The following AKAP7 variants were observed in gnomAD, a reference collection of about 807,000 sequenced individuals.
AKAP7 encodes A-kinase anchoring protein 7.
Under a neutral mutation model 39.5 loss-of-function variants are expected in AKAP7, and 39 were observed. The observed-to-expected ratio is 0.99, with a 90% CI of 0.76 to 1.29. The LOEUF (loss-of-function observed/expected upper bound fraction) is 1.29. Among genes scored for constraint, AKAP7 ranks in the 50% most tolerant of loss-of-function variants. AKAP7 has a pLI of 0.00. For synonymous variants in AKAP7, 140 were observed against 139.1 expected, an observed-to-expected ratio of 1.01 and a Z score of -0.05; for missense variants, 414 against 407.7, an observed-to-expected ratio of 1.02 and a Z score of -0.13.
intron 7 of AKAP7, among the ~76,000 whole-genome samples, chr6:131,228,447 G>C (rs1810369941): frequency 1.3e-5 from 2 of 152,124 alleles, no homozygotes; most frequent in Non-Finnish European, 2.9e-5. Context: ...GTGCCTCATT[G>C]TGCTTATCTT....
chr6:131,136,855 T>G, intron 1 of AKAP7: 1 of 985,394 alleles, frequency 1.0e-6, no homozygotes, highest in Non-Finnish European at 1.2e-6. Context: ...AAGATGCTAA[T>G]ACTATTTTTA....
At chr6:131,185,164 C>A in intron 5 of AKAP7, 1 of 533,858 alleles carries the variant, frequency 1.9e-6, no homozygotes. Context: ...GAGATCAGCC[C>A]CTCCTTCTTC....
intron 7 of AKAP7, among the ~76,000 whole-genome samples, chr6:131,225,594 A>G (rs1218531084): frequency 6.6e-6 from 1 of 152,198 alleles, no homozygotes; most frequent in African/African-American, 2.4e-5. Flanking sequence ...GATTTATTTC[A>G]TGACCATTAT....
In AKAP7 at chr6:131,135,699, C is replaced by T; in HGVS notation, c.-65C>T. 8.6e-6 allele frequency: 10 copies of T among 1,165,854 alleles called. No homozygotes were observed. The highest frequency in any genetic ancestry group is 1.1e-5 in the Non-Finnish European group (10 of 948,000). 72.2% of individuals were successfully genotyped at this position (1,165,854 alleles called of 1,614,324 possible). A position where few individuals can be genotyped will look rare whatever the true frequency, so the allele number is the denominator to read the frequency against. On this transcript the variant is annotated 5_prime_UTR_variant, in exon 1 of 8. Coordinates refer to ENST00000431975, the MANE Select transcript of AKAP7 (RefSeq NM_016377.4). Reference sequence around the variant, plus strand: ...CTCCGCCTCGGCCTCGCCTCCAGCCCCGGGACGCGGCCCGCCACCGCCGCT... The same window carrying T: ...CTCCGCCTCGGCCTCGCCTCCAGCCTCGGGACGCGGCCCGCCACCGCCGCT...
chr6:131,174,536 T>C (rs1038452522), intron 5 of AKAP7, among the ~76,000 whole-genome samples: 19 of 152,224 alleles, frequency 1.2e-4, no homozygotes, highest in African/African-American at 4.1e-4. Flanking sequence ...GAGGTTACAG[T>C]GAGCCATGAT....
chr6:131,227,797 T>C (rs1810306201), intron 7 of AKAP7, among the ~76,000 whole-genome samples: 1 of 152,172 alleles, frequency 6.6e-6, no homozygotes, highest in Admixed American at 6.5e-5. Flanking sequence ...CTAAGGATAA[T>C]TCTGAGTGAG....
chr6:131,137,444 A>ACTG (rs1482451701), intron 1 of AKAP7: 3 of 151,380 alleles, frequency 2.0e-5, no homozygotes, highest in Non-Finnish European at 4.4e-5. Context: ...GTGCAGTGGC[A>ACTG]CAATCTCGGC....
intron 3 of AKAP7, among the ~76,000 whole-genome samples, chr6:131,161,294 A>T (rs990159700): frequency 6.6e-6 from 1 of 152,100 alleles, no homozygotes; most frequent in African/African-American, 2.4e-5. Flanking sequence ...CTGAAGAATC[A>T]TATTCTGATT....
At chr6:131,210,555 C>T (rs1808550997) in intron 6 of AKAP7, among the ~76,000 whole-genome samples, 1 of 152,212 alleles carries the variant, frequency 6.6e-6, no homozygotes, top group Admixed American at 6.5e-5. Flanking sequence ...CCTTTCAGTG[C>T]AACTGTATCT....
chr6:131,282,252 A>G lies in AKAP7; in HGVS notation c.*526A>G. The G allele has an allele frequency of 7.4e-7, 1 of 1,356,502 alleles. No individual in the cohort carries two copies. The highest frequency in any genetic ancestry group is 9.4e-7 in the Non-Finnish European group (1 of 1,060,478). 84.0% of individuals were successfully genotyped at this position (1,356,502 alleles called of 1,614,324 possible). A position where few individuals can be genotyped will look rare whatever the true frequency, so the allele number is the denominator to read the frequency against. On this transcript the variant is annotated 3_prime_UTR_variant, in exon 8 of 8. Transcript: ENST00000431975. The stretch of plus-strand genomic sequence containing the variant: ...GTGTGATCTTTATTTATAGTAAATT[A>G]TGTTTCATGTAAATGATATATTTTT...
At chr6:131,280,592 C>G (rs180937842) in intron 7 of AKAP7, among the ~76,000 whole-genome samples, 1 of 152,208 alleles carries the variant, frequency 6.6e-6, no homozygotes, top group Non-Finnish European at 1.5e-5. Context: ...CTGAGCTGAT[C>G]TTAATGTGCG....
intron 7 of AKAP7, among the ~76,000 whole-genome samples, chr6:131,241,036 G>A (rs1407916909): frequency 2.0e-5 from 3 of 152,178 alleles, no homozygotes; most frequent in South Asian, 4.1e-4. Context: ...GTAGACTGGA[G>A]CTGTTCCTAT....
At chr6:131,221,052 G>A (rs542615552) in intron 7 of AKAP7, among the ~76,000 whole-genome samples, 6 of 152,292 alleles carry the variant, frequency 3.9e-5, no homozygotes, top group East Asian at 3.9e-4. Context: ...AAGGCATGTC[G>A]AAAGATGAAA....
rs188028121 is a variant in AKAP7 at position 131,216,258 on chromosome 6, C to T, written c.703-3403C>T. On this transcript the variant is annotated intron_variant, in intron 6 of 7. Coordinates refer to ENST00000431975, the MANE Select transcript of AKAP7 (RefSeq NM_016377.4). The stretch of plus-strand genomic sequence containing the variant: ...AATGTGAATTTCCATGTTTTGTGAC[C>T]GTCTGTCTACTTCCTGTATTAAAAA... Among the ~76,000 whole-genome samples, 167 of 152,090 alleles carry T rather than the reference C, an allele frequency of 1.1e-3. 1 individual carries two copies. Among genetic ancestry groups the T allele is most frequent in the African/African-American group, 3.6e-3 (150 of 41,500 alleles).
chr6:131,244,439 T>C (rs1293454918), intron 7 of AKAP7, among the ~76,000 whole-genome samples: 3 of 152,348 alleles, frequency 2.0e-5, no homozygotes, highest in East Asian at 3.9e-4. Flanking sequence ...GCTGTAAATG[T>C]GAGGTGTCCA....
intron 5 of AKAP7, chr6:131,184,706 C>A (rs575736580): frequency 1.2e-6 from 1 of 815,812 alleles, no homozygotes; most frequent in Non-Finnish European, 2.2e-6. Context: ...AAGGCAAATC[C>A]ATCAGGACCC....
At chr6:131,137,765 ATATACT>A (rs1800689435) in intron 1 of AKAP7, 1 of 152,204 alleles carries the variant, frequency 6.6e-6, no homozygotes, top group South Asian at 2.1e-4. Flanking sequence ...TGGTTTTATA[ATATACT>A]TAAAATGTAT....
upstream of AKAP7, among the ~76,000 whole-genome samples, chr6:131,131,092 A>C (rs1029869195): frequency 2.0e-5 from 3 of 152,224 alleles, no homozygotes; most frequent in South Asian, 2.1e-4. Context: ...GAGGCTGAAG[A>C]AAGTGACTGA....
chr6:131,252,927 A>G, intron 7 of AKAP7: 3 of 1,038,326 alleles, frequency 2.9e-6, no homozygotes, highest in South Asian at 2.9e-5. Flanking sequence ...CTAATTCTGT[A>G]ACAGGCGGTG....
Sources: gnomAD v4.1 joint callset for allele counts (sites outside exome capture counted in the v4.1 genomes callset) on GRCh38, gnomAD v4.1.1 for gene constraint, MANE v1.5 for transcripts, NCBI Gene and HGNC (gene_info 2026-07-23, HGNC 2026-07-21) for gene names.